The following SEM1 variants were observed in gnomAD, a reference collection of about 807,000 sequenced individuals.
SEM1 encodes 26S proteasome complex subunit SEM1.
A neutral mutation model predicts 12.7 loss-of-function variants in SEM1; 3 were observed. That is an observed-to-expected ratio of 0.24 (90% confidence interval 0.11 to 0.61). The LOEUF (loss-of-function observed/expected upper bound fraction) is 0.61. Among genes scored for constraint, SEM1 ranks in the 20% least tolerant of loss-of-function variants. SEM1 has a pLI of 0.88. For missense variants in SEM1, 59 were observed against 81.3 expected, an observed-to-expected ratio of 0.73 and a Z score of 1.06; for synonymous variants, 30 against 27.8, an observed-to-expected ratio of 1.08 and a Z score of -0.25.
At chr7:96,578,538 C>G (rs1331020622) in intron 2 of SEM1, among the ~76,000 whole-genome samples, 1 of 151,994 alleles carries the variant, frequency 6.6e-6, no homozygotes, top group Non-Finnish European at 1.5e-5. Context: ...ACTAAAAGAT[C>G]TATTTTCTTA....
intron 1 of SEM1, among the ~76,000 whole-genome samples, chr7:96,700,298 C>T (rs751702589): frequency 5.3e-5 from 8 of 152,130 alleles, no homozygotes; most frequent in African/African-American, 9.7e-5. Context: ...TTCCACCAAA[C>T]ATTACATGTA....
chr7:96,483,955 G>A, exon 4 of SEM1: 1 of 1,534,106 alleles, frequency 6.5e-7, no homozygotes, highest in Non-Finnish European at 8.7e-7. Flanking sequence ...AGGATGGTGG[G>A]GGGCTCAGTG....
At chr7:96,532,616 A>G (rs1804674197) in intron 2 of SEM1, among the ~76,000 whole-genome samples, 1 of 152,072 alleles carries the variant, frequency 6.6e-6, no homozygotes, top group South Asian at 2.1e-4. Context: ...TAGTTCTTGC[A>G]CCTGCATGAG....
At chr7:96,624,586 T>C (rs926600736) in intron 2 of SEM1, among the ~76,000 whole-genome samples, 10 of 152,156 alleles carry the variant, frequency 6.6e-5, no homozygotes, top group Admixed American at 3.3e-4. Flanking sequence ...TGAAATGAAA[T>C]AATGCTCATT....
chr7:96,613,349 A>G (rs1807602301), intron 2 of SEM1, among the ~76,000 whole-genome samples: 1 of 152,194 alleles, frequency 6.6e-6, no homozygotes, highest in East Asian at 1.9e-4. Context: ...TAGTTTTCTT[A>G]TTACATTAAA....
intron 3 of SEM1, among the ~76,000 whole-genome samples, chr7:96,506,271 A>T (rs1803751806): frequency 6.6e-6 from 1 of 152,112 alleles, no homozygotes; most frequent in African/African-American, 2.4e-5. Context: ...TTTTATATGG[A>T]CACATTAATC....
chr7:96,670,310 C>G (rs1436648071), downstream of SEM1, among the ~76,000 whole-genome samples: 1 of 152,050 alleles, frequency 6.6e-6, no homozygotes, highest in Non-Finnish European at 1.5e-5. Context: ...AATGGCCCAG[C>G]CTTAATCTTA....
chr7:96,689,554 T>C (rs1789863627), intron 2 of SEM1, among the ~76,000 whole-genome samples: 1 of 152,226 alleles, frequency 6.6e-6, no homozygotes, highest in Admixed American at 6.5e-5. Context: ...GTATGATTAA[T>C]ATGCTTTACA....
At chr7:96,704,260 AG>A (rs1284497453) in intron 1 of SEM1, among the ~76,000 whole-genome samples, 1 of 152,150 alleles carries the variant, frequency 6.6e-6, no homozygotes, top group Non-Finnish European at 1.5e-5. Flanking sequence ...AGGATACTAA[AG>A]AAAAAAACAT....
chr7:96,610,721 A>T (rs1444689341), intron 2 of SEM1, among the ~76,000 whole-genome samples: 1 of 152,238 alleles, frequency 6.6e-6, no homozygotes, highest in East Asian at 1.9e-4. Context: ...TGGTTCAGAA[A>T]GGTTACCAGA....
chr7:96,505,651 C>A (rs1280872065), intron 3 of SEM1, among the ~76,000 whole-genome samples: 1 of 152,094 alleles, frequency 6.6e-6, no homozygotes, highest in Non-Finnish European at 1.5e-5. Context: ...TCTCACATTT[C>A]TGGTGGCTGG....
At chr7:96,673,732 C>T (rs1391250468) in exon 3 of SEM1, 3 of 764,670 alleles carry the variant, frequency 3.9e-6, no homozygotes, top group Non-Finnish European at 7.2e-6. Flanking sequence ...TTAGGTGGGG[C>T]CATGAACACA....
chr7:96,663,788 A>G (rs1202236776), intron 2 of SEM1, among the ~76,000 whole-genome samples: 1 of 152,216 alleles, frequency 6.6e-6, no homozygotes. Flanking sequence ...AAACACTATA[A>G]AGAATTTCAA....
chr7:96,484,829 C>A (rs1299538247), exon 3 of SEM1: 1 of 1,287,240 alleles, frequency 7.8e-7, no homozygotes, highest in Admixed American at 2.3e-5. Flanking sequence ...CATTACCTTG[C>A]CCACTTCTTT....
chr7:96,516,063 A>G (rs935237969), intron 2 of SEM1, among the ~76,000 whole-genome samples: 1 of 152,088 alleles, frequency 6.6e-6, no homozygotes, highest in African/African-American at 2.4e-5. Flanking sequence ...AAAAGAACCT[A>G]AAGAAAGGCC....
At chr7:96,568,596 A>T (rs1302854701) in intron 2 of SEM1, among the ~76,000 whole-genome samples, 2 of 151,210 alleles carry the variant, frequency 1.3e-5, no homozygotes, top group Non-Finnish European at 3.0e-5. Context: ...TTGAAATTTG[A>T]TTTTTCCTCT....
intron 2 of SEM1, among the ~76,000 whole-genome samples, chr7:96,660,776 T>C (rs76853205): frequency 0.015 from 2,359 of 152,212 alleles, 31 homozygotes; most frequent in Non-Finnish European, 0.023. Context: ...CATTATTTAA[T>C]AGAATTCATG....
At chr7:96,501,124 C>T (rs1803522082), upstream of SEM1, among the ~76,000 whole-genome samples, 1 of 152,124 alleles carries the variant, frequency 6.6e-6, no homozygotes, top group South Asian at 2.1e-4. Flanking sequence ...TCTGCACGTT[C>T]TAAGTAATGG....
At chr7:96,707,041 C>A (rs1449967559) in intron 1 of SEM1, among the ~76,000 whole-genome samples, 7 of 152,178 alleles carry the variant, frequency 4.6e-5, no homozygotes, top group Admixed American at 4.6e-4. Flanking sequence ...GAAAATAGGT[C>A]ACTGTTTTAA....
Sources: allele counts gnomAD v4.1 joint callset (sites outside exome capture counted in the v4.1 genomes callset), GRCh38; gene constraint gnomAD v4.1.1; transcripts MANE v1.5; gene names NCBI Gene and HGNC (gene_info 2026-07-23, HGNC 2026-07-21).